The following MYOF variants were observed in gnomAD, a reference collection of about 807,000 sequenced individuals.
The protein encoded by MYOF is myoferlin.
MYOF carries 244 observed loss-of-function variants against 284.2 expected under a neutral mutation model. The ratio of observed to expected loss-of-function variants is 0.86; its 90% CI spans 0.77 to 0.95. The LOEUF is 0.95. MYOF is among the 40% of genes least tolerant of loss of function. The probability of loss-of-function intolerance (pLI) is 0.00; values close to 1 mark genes in which losing one functional copy is unlikely to be tolerated. For missense variants in MYOF, 2,496 were observed against 2,560.6 expected, an observed-to-expected ratio of 0.97 and a Z score of 0.54; for synonymous variants, 904 against 919.7, an observed-to-expected ratio of 0.98 and a Z score of 0.31.
At position 93,364,022 on chromosome 10, in the gene MYOF, T is replaced by C. The variant is rs1348940547; in HGVS notation, c.2807A>G (p.Gln936Arg). The change falls in exon 27 of 54, where the codon CAG becomes CGG. Residue 936 changes from glutamine to arginine, a missense_variant. Around this residue, in one of 3 missense-constraint regions of MYOF, gnomAD observed 2,436 missense variants for 2,480.7 expected, o/e 0.98. Transcript: ENST00000359263. ...GCCCCCGGGGTAGCGGCTCTCGTTC[T>C]GATAGACTTCATCAGTGAACTCCGT... is the stretch of plus-strand genomic sequence containing the variant. Reference protein sequence around the residue: ...GHTEFTDEVYQNESRYPGGDW... With the variant: ...GHTEFTDEVYRNESRYPGGDW... The C allele has an allele frequency of 8.7e-6, 14 of 1,614,076 alleles. No individual in the cohort carries two copies. The highest frequency in any genetic ancestry group is 1.3e-5 in the African/African-American group (1 of 74,944).
At chr10:93,369,534 TA>T in intron 25 of MYOF, 110 bp downstream of exon 25, 1 of 1,459,508 alleles carries the variant, frequency 6.9e-7, no homozygotes, top group Non-Finnish European at 9.3e-7. Flanking sequence ...TAGGGGATGG[TA>T]AGGAGGGCTG....
chr10:93,454,612 T>C (rs1306655127), intron 2 of MYOF, among the ~76,000 whole-genome samples: 2 of 152,220 alleles, frequency 1.3e-5, no homozygotes, highest in South Asian at 2.1e-4. Flanking sequence ...GGCTGTGTTC[T>C]GGATTCTGGG....
At chr10:93,313,680 C>T (rs1842490095) in intron 50 of MYOF, among the ~76,000 whole-genome samples, 1 of 151,996 alleles carries the variant, frequency 6.6e-6, no homozygotes, top group African/African-American at 2.4e-5. Context: ...GTGGGCAGAT[C>T]ACTTGAGGTC....
At chr10:93,420,486 C>A (rs1848315304) in intron 5 of MYOF, among the ~76,000 whole-genome samples, 1 of 152,148 alleles carries the variant, frequency 6.6e-6, no homozygotes, top group South Asian at 2.1e-4. Flanking sequence ...AGGTCTCTAC[C>A]TTTTGTCATC....
At chr10:93,455,695 C>G (rs527740213) in intron 2 of MYOF, among the ~76,000 whole-genome samples, 1 of 152,202 alleles carries the variant, frequency 6.6e-6, no homozygotes, top group East Asian at 1.9e-4. Context: ...CCAGAAGGTT[C>G]TAGTCTTTAT....
intron 27 of MYOF, among the ~76,000 whole-genome samples, chr10:93,362,023 AC>A (rs1166626417): frequency 6.6e-6 from 1 of 151,942 alleles, no homozygotes; most frequent in African/African-American, 2.4e-5. Context: ...ATCTCGGCTC[AC>A]TGCAACCTCT....
Position 93,347,720 on chromosome 10 carries a change from C to T in MYOF, c.4146G>A (p.Gln1382=), listed in dbSNP as rs764940412. Residue 1382 remains glutamine (Q), a synonymous_variant, in exon 37 of 54, where the codon CAG becomes CAA. Transcript: ENST00000359263. ...GGCCGACGACAGGCTTCCGCCCAAA[C>T]TGCCTGTGGTCGATGACCTTGATCA... ...PLVIKVIDHR[Q]FGRKPVVGQC... The T allele has an allele frequency of 1.9e-6, 3 of 1,614,196 alleles. No homozygotes were observed. Among genetic ancestry groups the T allele is most frequent in the Non-Finnish European group, 2.5e-6 (3 of 1,180,036 alleles).
chr10:93,308,336 GC>G (rs1259641890), intron 53 of MYOF, among the ~76,000 whole-genome samples: 1 of 151,652 alleles, frequency 6.6e-6, no homozygotes, highest in African/African-American at 2.4e-5. Flanking sequence ...TATAATCCTA[GC>G]ACGTTGGGAG....
chr10:93,369,787 A>C lies in MYOF; in HGVS notation c.2458-11T>G. 1 of 1,614,104 alleles carries C rather than the reference A, an allele frequency of 6.2e-7. No individual in the cohort carries two copies. The highest frequency in any genetic ancestry group is 8.5e-7 in the Non-Finnish European group (1 of 1,180,012). On this transcript the variant is annotated splice_polypyrimidine_tract_variant and intron_variant, in intron 24 of 53. Coordinates refer to ENST00000359263, the MANE Select transcript of MYOF (RefSeq NM_013451.4). The stretch of plus-strand genomic sequence containing the variant: ...TTTCTCCTGTGGATACTGTGAGATG[A>C]ACAATAGCATGTGATGTTACATTAG...
intron 43 of MYOF, 79 bp downstream of exon 43, chr10:93,333,142 G>T: frequency 1.7e-6 from 2 of 1,163,158 alleles, no homozygotes; most frequent in Non-Finnish European, 2.6e-6. Context: ...CCTAGGACAG[G>T]GTTGGACACA....
At chr10:93,464,757 G>A (rs575218352) in intron 1 of MYOF, among the ~76,000 whole-genome samples, 177 of 152,156 alleles carry the variant, frequency 1.2e-3, no homozygotes, top group African/African-American at 4.1e-3. Context: ...TTCTGAAATG[G>A]CCTCAGGAAA....
At chr10:93,465,805 G>A (rs865859301) in intron 1 of MYOF, among the ~76,000 whole-genome samples, 1 of 152,094 alleles carries the variant, frequency 6.6e-6, no homozygotes, top group East Asian at 1.9e-4. Context: ...GTGAGCCACC[G>A]CACACAGCTA....
At chr10:93,394,850 TTCTC>T (rs1167422143) in intron 16 of MYOF, among the ~76,000 whole-genome samples, 2 of 150,950 alleles carry the variant, frequency 1.3e-5, no homozygotes, top group Non-Finnish European at 2.9e-5. Context: ...CTTCTTTACC[TTCTC>T]TCTAATATCT....
At chr10:93,425,926 C>T (rs1427483750) in intron 5 of MYOF, 145 bp downstream of exon 5, 2 of 719,610 alleles carry the variant, frequency 2.8e-6, no homozygotes, top group Non-Finnish European at 2.3e-6. Flanking sequence ...ATTCAGGCAG[C>T]CCCACCTGCC....
At chr10:93,420,953 C>T (rs1045658444) in intron 5 of MYOF, among the ~76,000 whole-genome samples, 1 of 152,186 alleles carries the variant, frequency 6.6e-6, no homozygotes, top group Non-Finnish European at 1.5e-5. Context: ...TGCAGTGGCT[C>T]ATGACTGTAA....
chr10:93,336,116 C>T, intron 40 of MYOF, 70 bp from the exon 41 acceptor site: 1 of 1,551,382 alleles, frequency 6.4e-7, no homozygotes. Flanking sequence ...AAAGGGCTGA[C>T]AGTATCAAGT....
chr10:93,357,078 C>T (rs1249419621), intron 29 of MYOF, among the ~76,000 whole-genome samples: 1 of 152,184 alleles, frequency 6.6e-6, no homozygotes, highest in Non-Finnish European at 1.5e-5. Flanking sequence ...AATGACAGCA[C>T]AGTCGTGGAC....
chr10:93,337,372 C>T (rs970237824), intron 40 of MYOF, among the ~76,000 whole-genome samples: 9 of 152,046 alleles, frequency 5.9e-5, no homozygotes, highest in South Asian at 2.1e-4. Context: ...CATGTTCTCA[C>T]GGCTGTGATT....
At chr10:93,413,793 A>G (rs1848003513) in intron 5 of MYOF, among the ~76,000 whole-genome samples, 1 of 152,100 alleles carries the variant, frequency 6.6e-6, no homozygotes, top group Non-Finnish European at 1.5e-5. Context: ...GTTTGAGACC[A>G]GCCTGGGCAA....
Sources: gnomAD v4.1 joint callset for allele counts (sites outside exome capture counted in the v4.1 genomes callset) on GRCh38, gnomAD v4.1.1 for gene constraint, gnomAD v4.1.1 regional missense constraint, MANE v1.5 for transcripts, NCBI Gene and HGNC (gene_info 2026-07-23, HGNC 2026-07-21) for gene names.